The following SGCD variants were observed in gnomAD, a reference collection of about 807,000 sequenced individuals.
SGCD encodes delta-sarcoglycan.
Under a neutral mutation model 36.6 loss-of-function variants are expected in SGCD, and 18 were observed. That is an observed-to-expected ratio of 0.49 (90% CI 0.34 to 0.73). The LOEUF (loss-of-function observed/expected upper bound fraction) is 0.73. Ranked by LOEUF, SGCD falls within the 30% of genes least tolerant of loss-of-function variation. SGCD has a pLI of 0.01. For synonymous variants in SGCD, 133 were observed against 130.6 expected, an observed-to-expected ratio of 1.02 and a Z score of -0.12; for missense variants, 387 against 346.7, an observed-to-expected ratio of 1.12 and a Z score of -0.92.
At chr5:155,835,700 T>C in the SGCD span, among the ~76,000 whole-genome samples, 1 of 152,224 alleles carries the variant, frequency 6.6e-6, no homozygotes, top group African/African-American at 2.4e-5. Context: ...TTCTTGATAA[T>C]CATTATTTCA....
intron 2 of SGCD, among the ~76,000 whole-genome samples, chr5:156,339,816 A>G (rs1021667382): frequency 6.6e-6 from 1 of 152,204 alleles, no homozygotes; most frequent in Admixed American, 6.5e-5. Context: ...AAGGAAATTA[A>G]ATTATTAATT....
At chr5:156,704,240 A>G (rs157337) in intron 7 of SGCD, 139,815 of 152,254 alleles carry the variant, frequency 0.92, 64,368 homozygotes, top group East Asian at 0.99. Context: ...CTGTCCAGAT[A>G]TCCGCCAGGC....
At chr5:156,008,064 T>A (rs768500543) in intron 1 of SGCD, among the ~76,000 whole-genome samples, 2 of 152,206 alleles carry the variant, frequency 1.3e-5, no homozygotes, top group Non-Finnish European at 2.9e-5. Context: ...TCTCAGATGT[T>A]CTTTGAGTCA....
At chr5:156,569,992 A>AC (rs1196377814) in intron 4 of SGCD, among the ~76,000 whole-genome samples, 1 of 152,034 alleles carries the variant, frequency 6.6e-6, no homozygotes, top group Non-Finnish European at 1.5e-5. Flanking sequence ...CCATTGAAGG[A>AC]TTTTTTTCCC....
chr5:156,644,046 G>A (rs1226220440), intron 6 of SGCD, among the ~76,000 whole-genome samples: 1 of 152,034 alleles, frequency 6.6e-6, no homozygotes, highest in Non-Finnish European at 1.5e-5. Flanking sequence ...ATTTACCAAA[G>A]CAAACTCTGT....
chr5:155,834,370 T>G, the SGCD span, among the ~76,000 whole-genome samples: 12 of 152,188 alleles, frequency 7.9e-5, no homozygotes, highest in Non-Finnish European at 1.0e-4. Context: ...CTTTATGAGT[T>G]CTTTAGAAGT....
chr5:155,730,475 G>GTGTGTGTGTGTGTGTGTGTGT, the SGCD span, among the ~76,000 whole-genome samples: 32 of 151,274 alleles, frequency 2.1e-4, no homozygotes, highest in South Asian at 4.2e-4. Flanking sequence ...GTGTGTGTGT[G>GTGTGTGTGTGTGTGTGTGTGT]GCGAGGGGAA....
intron 3 of SGCD, among the ~76,000 whole-genome samples, chr5:156,365,933 T>C (rs10038418): frequency 0.16 from 24,405 of 152,108 alleles, 2,896 homozygotes; most frequent in African/African-American, 0.33. Flanking sequence ...TAAATGTGTA[T>C]GTATGTATGC....
At chr5:156,613,014 C>T (rs1231774486) in intron 6 of SGCD, among the ~76,000 whole-genome samples, 1 of 152,154 alleles carries the variant, frequency 6.6e-6, no homozygotes, top group Non-Finnish European at 1.5e-5. Context: ...AATAAAATCA[C>T]TCCTGGCTGC....
chr5:156,012,756 G>A lies in SGCD; in HGVS notation c.-281-105122G>A, dbSNP rs187397813. The stretch of plus-strand genomic sequence containing the variant: ...GCCTCCCAAGTAAATGGGACTACAG[G>A]TACCTGCCACCATGCCTGGCTAATA... On this transcript the variant is annotated intron_variant, in intron 1 of 9. Transcript: ENST00000517913. Among the ~76,000 whole-genome samples the A allele has an allele frequency of 3.3e-3, 495 of 151,612 alleles. 1 individual carries two copies. Among genetic ancestry groups the A allele is most frequent in the Non-Finnish European group, 5.8e-3 (395 of 67,906 alleles).
chr5:156,016,561 C>T (rs578131901), intron 1 of SGCD, among the ~76,000 whole-genome samples: 7 of 152,184 alleles, frequency 4.6e-5, no homozygotes, highest in Middle Eastern at 3.4e-3. Context: ...TTCTGATTTA[C>T]TCTTTCTGTA....
At chr5:156,613,552 C>T (rs1761908506) in intron 6 of SGCD, among the ~76,000 whole-genome samples, 2 of 152,184 alleles carry the variant, frequency 1.3e-5, no homozygotes, top group Admixed American at 1.3e-4. Context: ...ACTATTCCCC[C>T]AACTCACTAA....
intron 1 of SGCD, among the ~76,000 whole-genome samples, chr5:156,328,198 C>T (rs1421454344): frequency 6.6e-6 from 1 of 152,190 alleles, no homozygotes; most frequent in African/African-American, 2.4e-5. Context: ...CATAGGAAAG[C>T]TATACCTTGT....
At chr5:156,532,234 G>A (rs1198676118) in intron 4 of SGCD, among the ~76,000 whole-genome samples, 4 of 152,158 alleles carry the variant, frequency 2.6e-5, no homozygotes, top group Admixed American at 2.6e-4. Context: ...TGTCTGCAGG[G>A]TTTTGCTGTT....
chr5:156,589,418 T>C lies in SGCD; in HGVS notation c.382+100T>C, dbSNP rs138996255. On this transcript the variant is annotated intron_variant, in intron 5 of 8. Transcript: ENST00000337851. The stretch of plus-strand genomic sequence containing the variant: ...ACACCATATGAACCTGAAAATAAAG[T>C]GTGCTAACACATTGTTGAGAAAGAG... The C allele has an allele frequency of 3.7e-5, 25 of 682,690 alleles. No individual in the cohort carries two copies. The South Asian group carries it at 4.4e-4, about 12-fold the overall frequency. The allele number at this position is 682,690 out of a possible 1,614,324, so 42.3% of individuals were successfully genotyped here.
chr5:156,036,230 G>T (rs1232633316), intron 1 of SGCD, among the ~76,000 whole-genome samples: 1 of 152,160 alleles, frequency 6.6e-6, no homozygotes, highest in Non-Finnish European at 1.5e-5. Flanking sequence ...AGGTCATAGA[G>T]ACTTGTACAG....
At chr5:155,929,219 G>A (rs987129688) in intron 1 of SGCD, among the ~76,000 whole-genome samples, 2 of 152,052 alleles carry the variant, frequency 1.3e-5, no homozygotes, top group Admixed American at 6.6e-5. Context: ...GACATGTTCT[G>A]TGAGTCTGGA....
At chr5:155,909,013 T>G (rs1756578735) in intron 1 of SGCD, among the ~76,000 whole-genome samples, 1 of 152,112 alleles carries the variant, frequency 6.6e-6, no homozygotes, top group Admixed American at 6.6e-5. Flanking sequence ...TTTTCATTCT[T>G]AAAGGACACA....
chr5:156,609,205 G>A (rs1197205136), intron 6 of SGCD, among the ~76,000 whole-genome samples: 3 of 152,108 alleles, frequency 2.0e-5, no homozygotes, highest in Non-Finnish European at 2.9e-5. Context: ...TCCATGTTGA[G>A]TGCTTCCTTC....
Sources: gnomAD v4.1 joint callset for allele counts (sites outside exome capture counted in the v4.1 genomes callset) on GRCh38, gnomAD v4.1.1 for gene constraint, MANE v1.5 for transcripts, NCBI Gene and HGNC (gene_info 2026-07-23, HGNC 2026-07-21) for gene names.